The following MYH10 variants were observed in gnomAD, a reference collection of about 807,000 sequenced individuals.
The protein encoded by MYH10 is myosin-10.
A neutral mutation model predicts 257.8 loss-of-function variants in MYH10; 55 were observed. That is an observed-to-expected ratio of 0.21 (90% CI 0.17 to 0.27). MYH10 has a LOEUF of 0.27. MYH10 is among the 10% of genes least tolerant of loss of function. MYH10 has a pLI of 1.00. For missense variants in MYH10, 1,631 were observed against 2,500.6 expected, an observed-to-expected ratio of 0.65 and a Z score of 7.42; for synonymous variants, 854 against 921.7, an observed-to-expected ratio of 0.93 and a Z score of 1.33.
At chr17:8,525,255 G>A (rs1187586133) in intron 17 of MYH10, among the ~76,000 whole-genome samples, 1 of 152,188 alleles carries the variant, frequency 6.6e-6, no homozygotes, top group African/African-American at 2.4e-5. Flanking sequence ...TGCCTCCAAA[G>A]CTAAATACAC....
At chr17:8,601,257 G>A (rs986920371) in intron 3 of MYH10, among the ~76,000 whole-genome samples, 3 of 152,194 alleles carry the variant, frequency 2.0e-5, no homozygotes, top group African/African-American at 7.2e-5. Flanking sequence ...AAGCCACAAG[G>A]TGGTGAGCCT....
At position 8,504,214 on chromosome 17, in the gene MYH10, T is replaced by A. The variant is rs972472432; in HGVS notation, c.3599+480A>T. ...CCACTGCACACTCTGTCCCAGTGCG[T>A]GCACCAGCCTTCTTCTCACCCTTGT... On this transcript the variant is annotated intron_variant, in intron 28 of 42. Transcript: ENST00000360416. This position sits in a 1 kb window ranked among gnomAD's most constrained non-coding sequence, Gnocchi z 5.6. 2.6e-5 allele frequency among the ~76,000 whole-genome samples: 4 copies of A among 152,214 alleles called. No individual in the cohort carries two copies. Among genetic ancestry groups the A allele is most frequent in the Admixed American group, 1.3e-4 (2 of 15,290 alleles).
rs569507318 is a variant in MYH10, at chr17:8,500,998, T to G, written c.3600-28A>C. The G allele has an allele frequency of 1.6e-5, 25 of 1,602,280 alleles. No homozygotes were observed. In the East Asian group the frequency reaches 4.9e-4, roughly 31 times the overall value. On this transcript the variant is annotated intron_variant, in intron 28 of 42. Coordinates refer to ENST00000360416, the MANE Select transcript of MYH10 (RefSeq NM_001256012.3). ...AGAGAAGGACATTTTTTAAGAGAGA[T>G]CAGAATTAGCTGACTGATTAAAAAC...
chr17:8,574,579 A>C (rs553800730), intron 6 of MYH10, among the ~76,000 whole-genome samples: 3 of 152,274 alleles, frequency 2.0e-5, no homozygotes, highest in Non-Finnish European at 4.4e-5. Flanking sequence ...TAAACAAGCA[A>C]ATATATAAAG....
intron 40 of MYH10, 148 bp downstream of exon 40, chr17:8,479,962 A>G: frequency 1.4e-6 from 1 of 720,294 alleles, no homozygotes; most frequent in South Asian, 1.9e-5. Context: ...CTCTTCTCTC[A>G]CAGCTCACAC....
chr17:8,480,038 G>GT (rs1913426538), intron 40 of MYH10, 72 bp downstream of exon 40: 1 of 1,491,534 alleles, frequency 6.7e-7, no homozygotes. Context: ...CCCCCCGAAA[G>GT]GGGCATGCCT....
intron 21 of MYH10, among the ~76,000 whole-genome samples, chr17:8,515,016 G>A (rs1381066275): frequency 6.6e-6 from 1 of 152,110 alleles, no homozygotes; most frequent in Non-Finnish European, 1.5e-5. Context: ...CCACTCACAC[G>A]GCTGCGCTCC....
chr17:8,537,681 C>T (rs971873), intron 14 of MYH10, among the ~76,000 whole-genome samples: 63,727 of 152,054 alleles, frequency 0.42, 13,326 homozygotes, highest in East Asian at 0.5. Context: ...CTTTTACATT[C>T]TTAACCACTT....
intron 3 of MYH10, among the ~76,000 whole-genome samples, chr17:8,591,684 G>A (rs866582619): frequency 2.0e-5 from 3 of 151,378 alleles, no homozygotes; most frequent in Non-Finnish European, 4.4e-5. Flanking sequence ...TTCTTCCTGC[G>A]TCTGTACATG....
intron 1 of MYH10, among the ~76,000 whole-genome samples, chr17:8,624,680 T>C (rs2085603399): frequency 6.6e-6 from 1 of 152,214 alleles, no homozygotes; most frequent in South Asian, 2.1e-4. Context: ...TTAGCGTGTG[T>C]ATATATGTGC....
At chr17:8,561,417 G>A in intron 7 of MYH10, 3 of 1,059,102 alleles carry the variant, frequency 2.8e-6, no homozygotes, top group Non-Finnish European at 2.9e-6. Context: ...ATGCCTATGT[G>A]CTTCCCAAGC....
At chr17:8,603,214 T>C (rs191873459) in intron 3 of MYH10, among the ~76,000 whole-genome samples, 6 of 152,342 alleles carry the variant, frequency 3.9e-5, no homozygotes, top group Admixed American at 6.5e-5. Context: ...TTTCATGCCA[T>C]TGACAAATTT....
Position 8,489,708 on chromosome 17 carries a change from A to ACACAC in MYH10, c.4884+631_4884+632insGTGTG, listed in dbSNP as rs1555570829. ...GACAGAGCGAGACTCCGTCTGAAAA[A>ACACAC]ACACACACACACACACACACACACA... On this transcript the variant is annotated intron_variant, in intron 35 of 42. Coordinates refer to ENST00000360416, the MANE Select transcript of MYH10 (RefSeq NM_001256012.3). Among the ~76,000 whole-genome samples the ACACAC allele has an allele frequency of 7.2e-3, 675 of 93,106 alleles. 46 individuals are homozygous for ACACAC. Among genetic ancestry groups the ACACAC allele is most frequent in the African/African-American group, 0.017 (471 of 27,016 alleles). The allele number at this position is 93,106 out of a possible 152,430, so 61.1% of individuals were successfully genotyped here. A position where few individuals can be genotyped will look rare whatever the true frequency, so the allele number is the denominator to read the frequency against.
At chr17:8,581,369 CT>C (rs1266721936) in intron 4 of MYH10, among the ~76,000 whole-genome samples, 2 of 151,946 alleles carry the variant, frequency 1.3e-5, no homozygotes, top group Admixed American at 6.6e-5. Flanking sequence ...CTTTTTTAGA[CT>C]GATGATGACT....
chr17:8,492,225 G>T, intron 34 of MYH10, 72 bp downstream of exon 34: 2 of 1,461,122 alleles, frequency 1.4e-6, no homozygotes, highest in Non-Finnish European at 1.9e-6. Context: ...GGAGTCGCCC[G>T]CTCCTGTGTG....
At chr17:8,522,285 G>A (rs2081680796) in intron 17 of MYH10, among the ~76,000 whole-genome samples, 1 of 152,188 alleles carries the variant, frequency 6.6e-6, no homozygotes, top group African/African-American at 2.4e-5. Flanking sequence ...AGAGCTTTAT[G>A]TGCAAGATCT....
At position 8,590,474 on chromosome 17, in the gene MYH10, G is replaced by A. The variant is rs139174860; in HGVS notation, c.503-1366C>T. 3.4e-3 allele frequency among the ~76,000 whole-genome samples: 519 copies of A among 151,838 alleles called. 3 individuals carry two copies. Among genetic ancestry groups the A allele is most frequent in the African/African-American group, 0.012 (484 of 41,374 alleles). On this transcript the variant is annotated intron_variant, in intron 3 of 42. Coordinates refer to ENST00000360416, the MANE Select transcript of MYH10 (RefSeq NM_001256012.3). Reference sequence around the variant, plus strand: ...ACCACAGGCAGGTGCCACCATGCCCGGCTAATTTTTGTATCTTTGTAGAGA... The same window carrying A: ...ACCACAGGCAGGTGCCACCATGCCCAGCTAATTTTTGTATCTTTGTAGAGA...
At chr17:8,523,465 T>TA (rs768582162) in intron 17 of MYH10, among the ~76,000 whole-genome samples, 1 of 152,172 alleles carries the variant, frequency 6.6e-6, no homozygotes, top group Non-Finnish European at 1.5e-5. Flanking sequence ...AAATGCCATA[T>TA]AATACCCCAA....
In MYH10 at chr17:8,490,614, G is replaced by A; in HGVS notation, c.4672-62C>T. 1.3e-6 allele frequency: 2 copies of A among 1,543,956 alleles called. No homozygotes were observed. The highest frequency in any genetic ancestry group is 1.8e-6 in the Non-Finnish European group (2 of 1,118,112). On this transcript the variant is annotated intron_variant, in intron 34 of 42. Coordinates refer to ENST00000360416, the MANE Select transcript of MYH10 (RefSeq NM_001256012.3). This position sits in a 1 kb window ranked among gnomAD's most constrained non-coding sequence, Gnocchi z 4.1. ...GTGGAGGCACATATGAAGAACAGCA[G>A]TCTTACTGTTTTACAGGCCCACTCG... is the stretch of plus-strand genomic sequence containing the variant.
Sources: allele counts gnomAD v4.1 joint callset (sites outside exome capture counted in the v4.1 genomes callset), GRCh38; gene constraint gnomAD v4.1.1; non-coding constraint Gnocchi (gnomAD v3.1); transcripts MANE v1.5; gene names NCBI Gene and HGNC (gene_info 2026-07-23, HGNC 2026-07-21).